MYO16: variants seen among roughly 807,000 people sequenced by gnomAD.
MYO16 encodes myosin XVI, also known as unconventional myosin-XVI.
Under a neutral mutation model 205.3 loss-of-function variants are expected in MYO16, and 94 were observed. The observed-to-expected ratio is 0.46, with a 90% CI of 0.39 to 0.54. The LOEUF is 0.54. MYO16 is among the 20% of genes least tolerant of loss of function. MYO16 has a pLI of 0.00. For missense variants in MYO16, 2,315 were observed against 2,387.5 expected (o/e 0.97, Z 0.63); for synonymous variants, 988 against 954.0 (o/e 1.04, Z -0.66).
At chr13:109,078,799 A>G (rs1888195055) in intron 27 of MYO16, among the ~76,000 whole-genome samples, 1 of 152,202 alleles carries the variant, frequency 6.6e-6, no homozygotes, top group Admixed American at 6.5e-5. Context: ...ATGCAAAACA[A>G]TCGAGTTTTG....
At position 108,665,933 on chromosome 13, in the gene MYO16, G is replaced by A. The variant is rs776925771; in HGVS notation, c.76G>A (p.Asp26Asn). ...TTTTCGATCCCATGAGATGGAAATC[G>A]ACCAGTGCTTGCTAGAGTCCCTTCC... Reference protein sequence around the residue: ...NVFRSHEMEIDQCLLESLPLG... With the variant: ...NVFRSHEMEINQCLLESLPLG... Residue 26 changes from aspartate to asparagine, a missense_variant, in exon 2 of 35, where the codon GAC becomes AAC. Physicochemically the swap from Asp to Asn is conservative, Grantham distance 23 (BLOSUM62 1). Coordinates refer to ENST00000457511, the MANE Select transcript of MYO16 (RefSeq NM_001198950.3). 11 of 1,613,882 alleles carry A rather than the reference G, an allele frequency of 6.8e-6. No homozygotes were observed. The Admixed American group carries it at 1.0e-4, about 15-fold the overall frequency.
intron 4 of MYO16, among the ~76,000 whole-genome samples, chr13:108,768,065 A>G (rs1000464112): frequency 2.0e-5 from 3 of 152,158 alleles, no homozygotes; most frequent in Non-Finnish European, 4.4e-5. Context: ...ATCTGCTCCG[A>G]TTGCAGAACC....
At chr13:108,912,304 G>A (rs1056857254) in intron 16 of MYO16, among the ~76,000 whole-genome samples, 1 of 152,180 alleles carries the variant, frequency 6.6e-6, no homozygotes, top group Non-Finnish European at 1.5e-5. Context: ...GTCATGTTGT[G>A]TAGGTAGAAA....
chr13:109,178,459 T>C (rs867052474), intron 33 of MYO16, among the ~76,000 whole-genome samples: 1 of 152,226 alleles, frequency 6.6e-6, no homozygotes, highest in Admixed American at 6.5e-5. Context: ...CGTGCACTGA[T>C]TGTCTAATGA....
At chr13:109,135,425 A>G (rs1477218773) in intron 31 of MYO16, among the ~76,000 whole-genome samples, 3 of 152,180 alleles carry the variant, frequency 2.0e-5, no homozygotes, top group Non-Finnish European at 4.4e-5. Flanking sequence ...TTCCCAATCC[A>G]CAAGAGGTGA....
intron 14 of MYO16, among the ~76,000 whole-genome samples, chr13:108,891,859 A>G (rs1163660885): frequency 6.6e-6 from 1 of 152,204 alleles, no homozygotes; most frequent in African/African-American, 2.4e-5. Flanking sequence ...ATATTGTGCT[A>G]TTTGTGTTTG....
intron 27 of MYO16, among the ~76,000 whole-genome samples, chr13:109,072,033 A>G (rs1430254389): frequency 1.3e-5 from 2 of 152,186 alleles, no homozygotes; most frequent in Non-Finnish European, 2.9e-5. Flanking sequence ...AAGCATACAC[A>G]TTCTGATAAC....
At chr13:108,935,036 A>T (rs1199116264) in intron 16 of MYO16, among the ~76,000 whole-genome samples, 2 of 152,166 alleles carry the variant, frequency 1.3e-5, no homozygotes, top group Admixed American at 6.5e-5. Context: ...CTTAGAGTAT[A>T]GTATGAACTT....
At chr13:109,103,596 C>T (rs973631392) in intron 28 of MYO16, among the ~76,000 whole-genome samples, 1 of 152,066 alleles carries the variant, frequency 6.6e-6, no homozygotes, top group African/African-American at 2.4e-5. Flanking sequence ...CATTCTAATG[C>T]GTCTTGGAGA....
chr13:108,793,899 G>C (rs376067582), intron 6 of MYO16, among the ~76,000 whole-genome samples: 16 of 152,060 alleles, frequency 1.1e-4, no homozygotes, highest in African/African-American at 3.6e-4. Flanking sequence ...TCCCAGTGCC[G>C]TTTATAATAG....
chr13:108,750,743 G>A (rs1364136515), intron 4 of MYO16, among the ~76,000 whole-genome samples: 2 of 152,064 alleles, frequency 1.3e-5, no homozygotes, highest in East Asian at 1.9e-4. Context: ...GGAAGCAGAG[G>A]TTGCAGTGAG....
At chr13:109,065,554 A>G (rs1259482884) in intron 27 of MYO16, 1 of 469,638 alleles carries the variant, frequency 2.1e-6, no homozygotes, top group Non-Finnish European at 4.1e-6. Context: ...AAGAAAATTT[A>G]AAAAACTGCT....
chr13:109,002,818 C>CATACA (rs1234503505), intron 21 of MYO16, among the ~76,000 whole-genome samples: 1 of 152,194 alleles, frequency 6.6e-6, no homozygotes, highest in Non-Finnish European at 1.5e-5. Context: ...TTCACATACA[C>CATACA]ATACAGAGTT....
At chr13:109,147,720 G>A (rs1172927850) in intron 32 of MYO16, among the ~76,000 whole-genome samples, 1 of 152,138 alleles carries the variant, frequency 6.6e-6, no homozygotes, top group Non-Finnish European at 1.5e-5. Flanking sequence ...TAGAAAAAGT[G>A]TGGAAGATAA....
At chr13:108,765,804 T>G (rs2139665744) in intron 4 of MYO16, among the ~76,000 whole-genome samples, 1 of 152,316 alleles carries the variant, frequency 6.6e-6, no homozygotes, top group South Asian at 2.1e-4. Flanking sequence ...ACACATTTAG[T>G]TTTGTTATTT....
At chr13:108,698,857 A>C (rs1463067590) in intron 2 of MYO16, among the ~76,000 whole-genome samples, 3 of 152,164 alleles carry the variant, frequency 2.0e-5, no homozygotes, top group African/African-American at 7.2e-5. Flanking sequence ...CATAATATTT[A>C]TATGGTACCT....
chr13:109,062,178 C>T (rs529927638), intron 27 of MYO16, among the ~76,000 whole-genome samples: 9 of 152,198 alleles, frequency 5.9e-5, no homozygotes, highest in South Asian at 4.2e-4. Context: ...GTTAGGATTA[C>T]GCTTTTGCTA....
intron 27 of MYO16, among the ~76,000 whole-genome samples, chr13:109,085,236 C>T (rs558280888): frequency 1.3e-5 from 2 of 152,108 alleles, no homozygotes; most frequent in Non-Finnish European, 1.5e-5. Flanking sequence ...TAAGCAAGAC[C>T]ACGCAACAAA....
the MYO16 span, among the ~76,000 whole-genome samples, chr13:108,533,420 T>C: frequency 6.6e-6 from 1 of 152,174 alleles, no homozygotes; most frequent in Non-Finnish European, 1.5e-5. Context: ...CATCATATGA[T>C]TAGGTTACAT....
Sources: allele counts gnomAD v4.1 joint callset (sites outside exome capture counted in the v4.1 genomes callset), GRCh38; gene constraint gnomAD v4.1.1; transcripts MANE v1.5; gene names NCBI Gene and HGNC (gene_info 2026-07-23, HGNC 2026-07-21).